The following CCSER1 variants were observed in gnomAD, a reference collection of about 807,000 sequenced individuals.
CCSER1 encodes serine-rich coiled-coil domain-containing protein 1.
Under a neutral mutation model 82.0 loss-of-function variants are expected in CCSER1, and 41 were observed. The observed-to-expected ratio is 0.50, with a 90% confidence interval of 0.39 to 0.65. The LOEUF (loss-of-function observed/expected upper bound fraction) is 0.65. CCSER1 is among the 30% of genes least tolerant of loss of function. The probability of loss-of-function intolerance (pLI) is 0.00; values close to 1 mark genes in which losing one functional copy is unlikely to be tolerated. For synonymous variants in CCSER1, 414 were observed against 383.9 expected (o/e 1.08, Z -0.92); for missense variants, 1,119 against 1,064.2 (o/e 1.05, Z -0.72).
chr4:90,386,810 G>A (rs900109528), intron 3 of CCSER1, among the ~76,000 whole-genome samples: 1 of 152,112 alleles, frequency 6.6e-6, no homozygotes, highest in Non-Finnish European at 1.5e-5. Flanking sequence ...TATGGCTGCT[G>A]CTTATCATTC....
intron 10 of CCSER1, among the ~76,000 whole-genome samples, chr4:91,568,510 T>C (rs1763006399): frequency 6.6e-6 from 1 of 152,212 alleles, no homozygotes; most frequent in Non-Finnish European, 1.5e-5. Flanking sequence ...GGCCTCTTCA[T>C]ATAATCTCAT....
intron 10 of CCSER1, among the ~76,000 whole-genome samples, chr4:91,332,964 C>A (rs1033671187): frequency 4.6e-5 from 7 of 152,034 alleles, no homozygotes; most frequent in Non-Finnish European, 8.8e-5. Flanking sequence ...GTCTCACATG[C>A]AACTTCAGTT....
chr4:91,374,848 T>C (rs1190454964), intron 10 of CCSER1, among the ~76,000 whole-genome samples: 5 of 152,122 alleles, frequency 3.3e-5, no homozygotes, highest in African/African-American at 1.2e-4. Flanking sequence ...ATACAAAAAT[T>C]AGCCAGGCAT....
At position 90,433,497 on chromosome 4, in the gene CCSER1, T is replaced by C. The variant is rs372758062; in HGVS notation, c.1603+33368T>C. On this transcript the variant is annotated intron_variant, in intron 4 of 10. Transcript: ENST00000509176. ...AGGAATTCATGATGTCAAAACTATT[T>C]TCATAATGATACCAAGATATTAAAA... Among the ~76,000 whole-genome samples, 26 of 152,230 alleles carry C rather than the reference T, an allele frequency of 1.7e-4. No individual in the cohort carries two copies. In the East Asian group the frequency reaches 2.7e-3, roughly 16 times the overall value.
chr4:91,331,437 T>C (rs2149276680), intron 10 of CCSER1, among the ~76,000 whole-genome samples: 1 of 152,196 alleles, frequency 6.6e-6, no homozygotes, highest in East Asian at 1.9e-4. Flanking sequence ...CACATCATCT[T>C]TTAGCCTCAT....
intron 6 of CCSER1, among the ~76,000 whole-genome samples, chr4:90,703,486 G>A (rs1353277869): frequency 1.3e-5 from 2 of 152,136 alleles, no homozygotes; most frequent in Non-Finnish European, 2.9e-5. Flanking sequence ...ATGTCTATTA[G>A]GTCCGCTTGA....
At chr4:91,346,248 C>A (rs927447373) in intron 10 of CCSER1, among the ~76,000 whole-genome samples, 2 of 152,110 alleles carry the variant, frequency 1.3e-5, no homozygotes, top group African/African-American at 4.8e-5. Flanking sequence ...ACCTCTTGAC[C>A]TTGTGACCCG....
intron 10 of CCSER1, among the ~76,000 whole-genome samples, chr4:91,177,564 A>G (rs1252795194): frequency 6.6e-6 from 1 of 152,210 alleles, no homozygotes; most frequent in Non-Finnish European, 1.5e-5. Flanking sequence ...GTATGTGTCC[A>G]GGAATTTTTC....
chr4:90,191,932 T>C (rs369121287), intron 1 of CCSER1, among the ~76,000 whole-genome samples: 1 of 152,100 alleles, frequency 6.6e-6, no homozygotes, highest in Admixed American at 6.6e-5. Flanking sequence ...TTAGCTTATG[T>C]AAAATTGCTG....
chr4:91,568,916 C>G (rs539628486), intron 10 of CCSER1, among the ~76,000 whole-genome samples: 3 of 152,148 alleles, frequency 2.0e-5, no homozygotes, highest in South Asian at 2.1e-4. Flanking sequence ...CATGTGACAC[C>G]CTGGCCATTT....
chr4:90,705,693 T>C lies in CCSER1; in HGVS notation c.1933-18221T>C, dbSNP rs192471830. On this transcript the variant is annotated intron_variant, in intron 6 of 10. Coordinates refer to ENST00000509176, the MANE Select transcript of CCSER1 (RefSeq NM_001145065.2). ...AATGGTGGGCGCCCCTCCCCCAGTC[T>C]CACTGCCTCCTTTGCAGTTGGATCT... Among the ~76,000 whole-genome samples the C allele has an allele frequency of 1.1e-4, 17 of 152,246 alleles. No individual in the cohort carries two copies. The East Asian group carries it at 2.9e-3, about 26-fold the overall frequency.
intron 5 of CCSER1, among the ~76,000 whole-genome samples, chr4:90,551,890 A>C (rs1294390511): frequency 6.6e-6 from 1 of 151,930 alleles, no homozygotes; most frequent in Non-Finnish European, 1.5e-5. Context: ...ATTTTCTCAT[A>C]GCTCCAGAGG....
chr4:90,450,981 T>C (rs1226770762), intron 4 of CCSER1, among the ~76,000 whole-genome samples: 1 of 152,192 alleles, frequency 6.6e-6, no homozygotes, highest in African/African-American at 2.4e-5. Flanking sequence ...TTCTAACACA[T>C]AGTAGGGCTA....
Position 90,766,552 on chromosome 4 carries a change from G to A in CCSER1, c.2010+42561G>A, listed in dbSNP as rs189355526. ...TCAACTACTCAGGAGGCTGAGGCAG[G>A]AGAATTGCCAGAGCCCAGAAGTTCC... On this transcript the variant is annotated intron_variant, in intron 7 of 10. Coordinates refer to ENST00000509176, the MANE Select transcript of CCSER1 (RefSeq NM_001145065.2). 3.1e-3 allele frequency among the ~76,000 whole-genome samples: 474 copies of A among 152,226 alleles called. 1 individual carries two copies. Among genetic ancestry groups the A allele is most frequent in the African/African-American group, 0.011 (439 of 41,542 alleles).
At chr4:90,380,893 A>G (rs907123811) in intron 3 of CCSER1, among the ~76,000 whole-genome samples, 3 of 152,182 alleles carry the variant, frequency 2.0e-5, no homozygotes, top group African/African-American at 7.2e-5. Flanking sequence ...TTATAGTCCA[A>G]TCAGGGAAAC....
chr4:91,036,587 AT>A (rs2150567368), intron 9 of CCSER1, among the ~76,000 whole-genome samples: 1 of 152,282 alleles, frequency 6.6e-6, no homozygotes, highest in African/African-American at 2.4e-5. Context: ...CCTTCAAAAT[AT>A]AGTAGTCTCA....
chr4:90,907,222 C>A (rs11097273), intron 8 of CCSER1, among the ~76,000 whole-genome samples: 70,581 of 151,790 alleles, frequency 0.46, 18,030 homozygotes, highest in African/African-American at 0.69. Context: ...GAGTATGTTT[C>A]TTTATCCCAA....
At chr4:90,945,823 A>T (rs987871199) in intron 9 of CCSER1, among the ~76,000 whole-genome samples, 2 of 151,224 alleles carry the variant, frequency 1.3e-5, no homozygotes, top group Non-Finnish European at 3.0e-5. Flanking sequence ...AATGGCTAAC[A>T]TTTTTTTTTA....
At chr4:90,516,706 G>A (rs1163379209) in intron 5 of CCSER1, among the ~76,000 whole-genome samples, 3 of 152,208 alleles carry the variant, frequency 2.0e-5, no homozygotes, top group African/African-American at 7.2e-5. Context: ...CCGGGACGGA[G>A]TGTAGAGCGC....
Sources: allele counts gnomAD v4.1 joint callset (sites outside exome capture counted in the v4.1 genomes callset), GRCh38; gene constraint gnomAD v4.1.1; transcripts MANE v1.5; gene names NCBI Gene and HGNC (gene_info 2026-07-23, HGNC 2026-07-21).